Variants in ERC2 observed in about 807,000 individuals in gnomAD.
ERC2 encodes ELKS/RAB6-interacting/CAST family member 2, also known as ERC protein 2.
ERC2 carries 42 observed loss-of-function variants against 114.8 expected under a neutral mutation model. That is an observed-to-expected ratio of 0.37 (90% CI 0.29 to 0.47). ERC2 has a LOEUF of 0.47. Among genes scored for constraint, ERC2 ranks in the 20% least tolerant of loss-of-function variants. The pLI is 0.99. For synonymous variants in ERC2, 454 were observed against 425.5 expected (o/e 1.07, Z -0.82); for missense variants, 939 against 1,150.7 (o/e 0.82, Z 2.66).
intron 17 of ERC2, among the ~76,000 whole-genome samples, chr3:55,588,558 C>CA (rs959181545): frequency 6.6e-6 from 1 of 152,182 alleles, no homozygotes; most frequent in African/African-American, 2.4e-5. Flanking sequence ...AAAACCCTCT[C>CA]ACCTGTGCCC....
chr3:55,997,922 GTTT>G (rs1559997200), intron 10 of ERC2, among the ~76,000 whole-genome samples: 7 of 36,084 alleles, frequency 1.9e-4, no homozygotes, highest in African/African-American at 3.8e-4. Context: ...GTGTGTGTGT[GTTT>G]TTTGTTTTTT....
intron 2 of ERC2, among the ~76,000 whole-genome samples, chr3:56,313,008 A>G (rs981350191): frequency 1.6e-4 from 18 of 110,702 alleles, no homozygotes; most frequent in Middle Eastern, 4.0e-3. Context: ...ATTCATATAT[A>G]TATATATATA....
intron 17 of ERC2, among the ~76,000 whole-genome samples, chr3:55,570,257 T>A (rs1461203143): frequency 6.6e-6 from 1 of 152,052 alleles, no homozygotes; most frequent in African/African-American, 2.4e-5. Context: ...CAAAATTGGT[T>A]CTTGTCCTGG....
intron 3 of ERC2, among the ~76,000 whole-genome samples, chr3:56,234,536 C>G (rs143235174): frequency 6.6e-6 from 1 of 152,170 alleles, no homozygotes; most frequent in Non-Finnish European, 1.5e-5. Flanking sequence ...ACCATGAACC[C>G]TGGAATTTCT....
intron 6 of ERC2, among the ~76,000 whole-genome samples, chr3:56,118,924 C>G (rs749923715): frequency 6.6e-6 from 1 of 152,184 alleles, no homozygotes; most frequent in African/African-American, 2.4e-5. Context: ...GCTCGAGCCA[C>G]TGTGCCCGGC....
At chr3:55,964,982 G>A (rs2068646754) in intron 12 of ERC2, among the ~76,000 whole-genome samples, 3 of 152,154 alleles carry the variant, frequency 2.0e-5, no homozygotes, top group African/African-American at 7.2e-5. Context: ...AGGCTAGCAG[G>A]AGAATCTCCA....
At chr3:55,742,779 G>T (rs2066049333) in intron 14 of ERC2, among the ~76,000 whole-genome samples, 1 of 152,184 alleles carries the variant, frequency 6.6e-6, no homozygotes, top group African/African-American at 2.4e-5. Context: ...GGGTTGGGTG[G>T]AGATAGATGT....
intron 14 of ERC2, among the ~76,000 whole-genome samples, chr3:55,865,833 CT>C (rs2149271725): frequency 6.6e-6 from 1 of 152,258 alleles, no homozygotes; most frequent in African/African-American, 2.4e-5. Context: ...GATGTACCAT[CT>C]TTTGTCTATC....
At chr3:56,186,529 G>A (rs2083629869) in intron 3 of ERC2, among the ~76,000 whole-genome samples, 1 of 151,966 alleles carries the variant, frequency 6.6e-6, no homozygotes, top group African/African-American at 2.4e-5. Context: ...TTGTTTGTTT[G>A]TTTGTTTTGT....
Position 55,676,441 on chromosome 3 carries a change from CTTATTA to C in ERC2, c.*39+7347_*39+7352del, listed in dbSNP as rs71619901. Among the ~76,000 whole-genome samples the C allele has an allele frequency of 2.6e-3, 368 of 142,160 alleles. 2 individuals are homozygous for C. The highest frequency in any genetic ancestry group is 7.2e-3 in the Middle Eastern group (2 of 276). 93.3% of individuals were successfully genotyped at this position (142,160 alleles called of 152,430 possible). On this transcript the variant is annotated intron_variant, in intron 17 of 17. Coordinates refer to ENST00000288221, the MANE Select transcript of ERC2 (RefSeq NM_015576.3). Reference sequence around the variant, plus strand: ...GGTTTCGCTGACGTTTACTGAGCTGCTTATTATTATTATTATTATTATTATTATTAT... The same window carrying C: ...GGTTTCGCTGACGTTTACTGAGCTGCTTATTATTATTATTATTATTATTAT...
At chr3:56,232,700 T>C (rs1212540086) in intron 3 of ERC2, among the ~76,000 whole-genome samples, 3 of 152,302 alleles carry the variant, frequency 2.0e-5, no homozygotes, top group South Asian at 2.1e-4. Context: ...TCACACATCA[T>C]CAGAAATACC....
intron 4 of ERC2, among the ~76,000 whole-genome samples, chr3:56,164,645 T>C (rs1410184543): frequency 6.6e-6 from 1 of 152,078 alleles, no homozygotes; most frequent in African/African-American, 2.4e-5. Context: ...GGTAACTCTA[T>C]GTTTAACATT....
chr3:56,438,572 A>G (rs575709364), intron 1 of ERC2, among the ~76,000 whole-genome samples: 360 of 151,726 alleles, frequency 2.4e-3, no homozygotes, highest in African/African-American at 8.4e-3. Context: ...CATTAAAAAA[A>G]TGATTTTCTT....
chr3:56,161,593 T>A (rs2082052015), intron 4 of ERC2, among the ~76,000 whole-genome samples: 1 of 152,220 alleles, frequency 6.6e-6, no homozygotes, highest in Non-Finnish European at 1.5e-5. Flanking sequence ...TTTGCAGTTC[T>A]TCTCATAGAG....
At chr3:55,783,633 G>C (rs2069239290) in intron 14 of ERC2, among the ~76,000 whole-genome samples, 1 of 152,182 alleles carries the variant, frequency 6.6e-6, no homozygotes, top group African/African-American at 2.4e-5. Context: ...AATTCAGAGA[G>C]ATTGATGGTA....
chr3:55,517,446 C>CAAAAAAAAAAAAAAA (rs11309251), intron 17 of ERC2, among the ~76,000 whole-genome samples: 1 of 90,156 alleles, frequency 1.1e-5, no homozygotes, highest in Non-Finnish European at 2.1e-5. Context: ...GACTCCGTCT[C>CAAAAAAAAAAAAAAA]AAAAAAAAAA....
intron 2 of ERC2, among the ~76,000 whole-genome samples, chr3:56,351,765 T>C (rs1435137326): frequency 6.6e-6 from 1 of 152,220 alleles, no homozygotes; most frequent in Non-Finnish European, 1.5e-5. Flanking sequence ...CATGCATACA[T>C]GCATGCATGC....
At chr3:56,237,234 A>C (rs2051009863) in intron 3 of ERC2, among the ~76,000 whole-genome samples, 1 of 150,344 alleles carries the variant, frequency 6.7e-6, no homozygotes, top group Non-Finnish European at 1.5e-5. Context: ...GGAGATCTCC[A>C]TCATGCCACC....
At chr3:56,401,841 GT>G (rs1462584380) in intron 2 of ERC2, among the ~76,000 whole-genome samples, 13 of 152,116 alleles carry the variant, frequency 8.5e-5, no homozygotes, top group Admixed American at 8.5e-4. Flanking sequence ...GTATTTTTCT[GT>G]TCTCACACTG....
Sources: allele counts gnomAD v4.1 joint callset (sites outside exome capture counted in the v4.1 genomes callset), GRCh38; gene constraint gnomAD v4.1.1; transcripts MANE v1.5; gene names NCBI Gene and HGNC (gene_info 2026-07-23, HGNC 2026-07-21).